The following MACROD2 variants were observed in gnomAD, a reference collection of about 807,000 sequenced individuals.
MACROD2 encodes ADP-ribose glycohydrolase MACROD2.
A neutral mutation model predicts 70.4 loss-of-function variants in MACROD2; 36 were observed. The observed-to-expected ratio is 0.51, with a 90% CI of 0.39 to 0.68. The LOEUF is 0.68. Among genes scored for constraint, MACROD2 ranks in the 30% least tolerant of loss-of-function variants. The pLI, the probability that MACROD2 is intolerant of heterozygous loss-of-function variation, is 0.00. For missense variants in MACROD2, 496 were observed against 538.4 expected (o/e 0.92, Z 0.78); for synonymous variants, 172 against 178.8 (o/e 0.96, Z 0.30).
At chr20:14,710,511 G>A (rs1034796202) in intron 5 of MACROD2, among the ~76,000 whole-genome samples, 1 of 152,304 alleles carries the variant, frequency 6.6e-6, no homozygotes, top group Middle Eastern at 3.4e-3. Flanking sequence ...TTATCACCAC[G>A]TAGAATTCCT....
intron 5 of MACROD2, among the ~76,000 whole-genome samples, chr20:14,698,388 C>G (rs2071151719): frequency 6.6e-6 from 1 of 152,084 alleles, no homozygotes; most frequent in African/African-American, 2.4e-5. Context: ...TCACCCTACC[C>G]TCACAGGGAG....
chr20:14,876,123 T>TC (rs2073547799), intron 5 of MACROD2, among the ~76,000 whole-genome samples: 1 of 152,192 alleles, frequency 6.6e-6, no homozygotes, highest in Non-Finnish European at 1.5e-5. Flanking sequence ...CTCCACAGCC[T>TC]CACCAACTTC....
intron 5 of MACROD2, among the ~76,000 whole-genome samples, chr20:15,090,853 G>A (rs2075787624): frequency 6.6e-6 from 1 of 151,970 alleles, no homozygotes. Flanking sequence ...TACTTTCTGT[G>A]CCCCATCCAT....
chr20:15,847,268 G>A lies in MACROD2; in HGVS notation c.646-15477G>A, dbSNP rs568279228. On this transcript the variant is annotated intron_variant, in intron 8 of 17. Transcript: ENST00000684519. ...AACAAATTCATACTTAAGGTAGATG[G>A]TTTAGAGTGGACTTTCGGCAGCATT... Among the ~76,000 whole-genome samples, 100 of 152,224 alleles carry A rather than the reference G, an allele frequency of 6.6e-4. 1 individual carries two copies. The highest frequency in any genetic ancestry group is 2.3e-3 in the African/African-American group (97 of 41,552).
At chr20:15,179,893 A>G (rs924260603) in intron 5 of MACROD2, among the ~76,000 whole-genome samples, 2 of 152,188 alleles carry the variant, frequency 1.3e-5, no homozygotes, top group African/African-American at 4.8e-5. Flanking sequence ...CACAGACCAG[A>G]TGGCTTAAAC....
chr20:14,926,832 A>G (rs1436950837), intron 5 of MACROD2, among the ~76,000 whole-genome samples: 1 of 152,142 alleles, frequency 6.6e-6, no homozygotes. Flanking sequence ...GGGGTGTGGG[A>G]GCCAAAGGCA....
At chr20:15,303,040 G>C (rs995634736) in intron 6 of MACROD2, among the ~76,000 whole-genome samples, 2 of 152,158 alleles carry the variant, frequency 1.3e-5, no homozygotes, top group Non-Finnish European at 2.9e-5. Flanking sequence ...GACATGCTTG[G>C]TAAATAGTAG....
chr20:15,100,553 A>G (rs763177128), intron 5 of MACROD2, among the ~76,000 whole-genome samples: 12 of 152,212 alleles, frequency 7.9e-5, no homozygotes, highest in Non-Finnish European at 1.6e-4. Context: ...AGAATACCAC[A>G]TAAGCAGAAA....
chr20:14,886,274 A>G (rs2073674212), intron 5 of MACROD2, among the ~76,000 whole-genome samples: 1 of 152,156 alleles, frequency 6.6e-6, no homozygotes, highest in Non-Finnish European at 1.5e-5. Context: ...GCCCTGAGAT[A>G]GGTATGGGCC....
intron 4 of MACROD2, among the ~76,000 whole-genome samples, chr20:14,525,397 A>G (rs945164049): frequency 6.6e-6 from 1 of 152,244 alleles, no homozygotes; most frequent in Admixed American, 6.5e-5. Context: ...AGCAGCCTTC[A>G]TGTAGCAGGT....
intron 5 of MACROD2, among the ~76,000 whole-genome samples, chr20:14,887,416 A>G (rs1172953806): frequency 8.7e-6 from 1 of 115,386 alleles, no homozygotes; most frequent in Non-Finnish European, 1.8e-5. Context: ...TTTTTTTTTG[A>G]CTGTCTCACT....
rs879356079 is a variant in MACROD2, at chr20:14,311,205, A to G, written c.272-182274A>G. Among the ~76,000 whole-genome samples, 3 of 152,318 alleles carry G rather than the reference A, an allele frequency of 2.0e-5. No homozygotes were observed. The East Asian group carries it at 5.8e-4, about 29-fold the overall frequency. ...CAGTCCTCCAAGCTCCATTTGTGGT[A>G]AGTGCCCGATACAGGTGTACCATTT... On this transcript the variant is annotated intron_variant, in intron 3 of 17. Coordinates refer to ENST00000684519, the MANE Select transcript of MACROD2 (RefSeq NM_001351661.2).
At chr20:14,862,936 A>T (rs1441927183) in intron 5 of MACROD2, among the ~76,000 whole-genome samples, 1 of 151,120 alleles carries the variant, frequency 6.6e-6, no homozygotes, top group Non-Finnish European at 1.5e-5. Context: ...AGTAATACAA[A>T]AATGCTGATG....
chr20:16,009,650 G>C (rs923261493), intron 15 of MACROD2, among the ~76,000 whole-genome samples: 1 of 152,032 alleles, frequency 6.6e-6, no homozygotes, highest in Non-Finnish European at 1.5e-5. Flanking sequence ...CCAGCTACTC[G>C]AGAGGCTGAG....
chr20:15,410,006 G>C (rs913392341), intron 6 of MACROD2, among the ~76,000 whole-genome samples: 2 of 152,164 alleles, frequency 1.3e-5, no homozygotes, highest in Admixed American at 6.5e-5. Context: ...CCTGTTTTCT[G>C]TCTTGGTCTG....
At chr20:15,001,974 T>C (rs979127816) in intron 5 of MACROD2, among the ~76,000 whole-genome samples, 23 of 144,352 alleles carry the variant, frequency 1.6e-4, no homozygotes, top group East Asian at 8.1e-4. Context: ...CACACACACA[T>C]ATACACACAC....
intron 2 of MACROD2, among the ~76,000 whole-genome samples, chr20:14,081,066 G>T (rs758275758): frequency 6.6e-6 from 1 of 152,144 alleles, no homozygotes; most frequent in African/African-American, 2.4e-5. Context: ...CAATACCTGC[G>T]TAGCCCAGTT....
chr20:15,953,995 A>G (rs529762117), intron 12 of MACROD2, among the ~76,000 whole-genome samples: 1 of 152,302 alleles, frequency 6.6e-6, no homozygotes, highest in African/African-American at 2.4e-5. Context: ...TCACACATGC[A>G]TGTGTTAAAC....
At chr20:14,973,074 TGAA>T (rs1184816414) in intron 5 of MACROD2, among the ~76,000 whole-genome samples, 18 of 152,132 alleles carry the variant, frequency 1.2e-4, no homozygotes, top group African/African-American at 4.3e-4. Context: ...ATTATACAGT[TGAA>T]GAAATGAGGC....
Sources: gnomAD v4.1 joint callset for allele counts (sites outside exome capture counted in the v4.1 genomes callset) on GRCh38, gnomAD v4.1.1 for gene constraint, MANE v1.5 for transcripts, NCBI Gene and HGNC (gene_info 2026-07-23, HGNC 2026-07-21) for gene names.